The following LMF1 variants were observed in gnomAD, a reference collection of about 807,000 sequenced individuals.
The protein encoded by LMF1 is lipase maturation factor 1.
A neutral mutation model predicts 60.6 loss-of-function variants in LMF1; 68 were observed. The observed-to-expected ratio is 1.12, with a 90% CI of 0.92 to 1.37. LMF1 has a LOEUF of 1.37. LMF1 is among the 40% of genes most tolerant of loss of function. The probability of loss-of-function intolerance (pLI) is 0.00; values close to 1 mark genes in which losing one functional copy is unlikely to be tolerated. For synonymous variants in LMF1, 418 were observed against 324.7 expected, an observed-to-expected ratio of 1.29 and a Z score of -3.09; for missense variants, 948 against 767.2, an observed-to-expected ratio of 1.24 and a Z score of -2.78.
Position 876,454 on chromosome 16 carries a change from C to T in LMF1, c.897+3116G>A, listed in dbSNP as rs114899044. Among the ~76,000 whole-genome samples, 1,438 of 152,294 alleles carry T rather than the reference C, an allele frequency of 9.4e-3. 18 individuals carry two copies. The highest frequency in any genetic ancestry group is 0.033 in the African/African-American group (1,364 of 41,552). ...ACACTGCGAATGGCTCTCCTGTCAG[C>T]CGGGACTTTAGTTGGCAACAGTTTA... On this transcript the variant is annotated intron_variant, in intron 6 of 10. Transcript: ENST00000262301.
intron 10 of LMF1, among the ~76,000 whole-genome samples, chr16:862,862 A>AAAAT (rs879700283): frequency 2.4e-4 from 37 of 152,184 alleles, no homozygotes; most frequent in Admixed American, 8.5e-4. Flanking sequence ...CCTGTCTCAA[A>AAAAT]AAATAAATAA....
intron 5 of LMF1, among the ~76,000 whole-genome samples, chr16:889,695 G>C (rs1262506487): frequency 6.6e-6 from 1 of 152,186 alleles, no homozygotes; most frequent in East Asian, 1.9e-4. Flanking sequence ...AATGCTGTGG[G>C]GCAGAGGGCA....
At position 906,366 on chromosome 16, in the gene LMF1, C is replaced by T. The variant is rs141227596; in HGVS notation, c.663+4565G>A. On this transcript the variant is annotated intron_variant, in intron 4 of 10. Coordinates refer to ENST00000262301, the MANE Select transcript of LMF1 (RefSeq NM_022773.4). ...GTTTGGGTCAGGGGGCTGGGGAAGG[C>T]GGACCCAAGCTTAATCTGGTGGGCA... 2.4e-4 allele frequency among the ~76,000 whole-genome samples: 36 copies of T among 152,174 alleles called. 2 individuals are homozygous for T. The East Asian group carries it at 6.2e-3, about 26-fold the overall frequency.
At chr16:977,668 C>T (rs911706805) in intron 1 of LMF1, among the ~76,000 whole-genome samples, 21 of 119,598 alleles carry the variant, frequency 1.8e-4, no homozygotes, top group Non-Finnish European at 3.5e-4. Context: ...GGAGGAGGGC[C>T]GGGTTGGGGG....
rs1463911812 is a variant in LMF1 at position 854,154 on chromosome 16, C to T, written c.*378G>A. The T allele has an allele frequency of 2.1e-6, 1 of 482,628 alleles. No individual in the cohort carries two copies. The highest frequency in any genetic ancestry group is 4.1e-6 in the Non-Finnish European group (1 of 246,332). The allele number at this position is 482,628 out of a possible 1,614,324, so 29.9% of individuals were successfully genotyped here. On this transcript the variant is annotated 3_prime_UTR_variant, in exon 11 of 11. Coordinates refer to ENST00000262301, the MANE Select transcript of LMF1 (RefSeq NM_022773.4). ...ACCAGGCCCTGGGACGCTAGAGACC[C>T]CAAGAGCTACCTGGCTGGGTCTATG... is the stretch of plus-strand genomic sequence containing the variant.
rs8046554 is a variant in LMF1 at position 962,569 on chromosome 16, G to A, written c.194-7903C>T. Among the ~76,000 whole-genome samples the A allele has an allele frequency of 0.2, 31,109 of 152,004 alleles. 3,619 individuals carry two copies. The highest frequency in any genetic ancestry group is 0.33 in the East Asian group (1,680 of 5,130). On this transcript the variant is annotated intron_variant, in intron 1 of 10. Coordinates refer to ENST00000262301, the MANE Select transcript of LMF1 (RefSeq NM_022773.4). The surrounding 1 kb of genome is among the most constrained non-coding windows in gnomAD (Gnocchi z 4.5). ...GGAAGGGCCCCGCACCTCTGTGGGC[G>A]TCTTCCCAAAACCCATCACCCAGTC...
At chr16:925,326 T>A (rs568979340) in intron 3 of LMF1, among the ~76,000 whole-genome samples, 28 of 152,356 alleles carry the variant, frequency 1.8e-4, no homozygotes, top group African/African-American at 6.5e-4. Context: ...GAATTCTGCA[T>A]AGTAAAGAGA....
intron 5 of LMF1, 41 bp downstream of exon 5, chr16:892,966 G>A (rs1007833103): frequency 1.2e-5 from 18 of 1,485,840 alleles, no homozygotes; most frequent in Middle Eastern, 1.8e-4. Context: ...GGGGCGGCGT[G>A]AGACCGGGTG....
intron 1 of LMF1, among the ~76,000 whole-genome samples, chr16:959,958 T>A (rs968541759): frequency 6.6e-6 from 1 of 151,062 alleles, no homozygotes; most frequent in Non-Finnish European, 1.5e-5. Flanking sequence ...GACCTTCGTA[T>A]ACTTACAGAT....
At chr16:916,706 C>T (rs879773072) in intron 3 of LMF1, among the ~76,000 whole-genome samples, 6 of 152,208 alleles carry the variant, frequency 3.9e-5, no homozygotes, top group Non-Finnish European at 7.3e-5. Flanking sequence ...TCTCTGGCCA[C>T]GGGGAAAACA....
At chr16:876,739 A>G (rs1264414408) in intron 6 of LMF1, among the ~76,000 whole-genome samples, 2 of 151,840 alleles carry the variant, frequency 1.3e-5, no homozygotes, top group East Asian at 1.9e-4. Context: ...CGGGCTGAGG[A>G]CCTCGGGGGG....
chr16:977,108 G>A (rs781756990), intron 1 of LMF1: 2 of 454,092 alleles, frequency 4.4e-6, no homozygotes, highest in South Asian at 3.1e-5. Flanking sequence ...AAGGTGCCAA[G>A]AAAGACTCAC....
intron 3 of LMF1, among the ~76,000 whole-genome samples, chr16:913,588 T>A (rs1252521327): frequency 6.6e-6 from 1 of 152,238 alleles, no homozygotes; most frequent in Non-Finnish European, 1.5e-5. Context: ...GCTTCTCAGC[T>A]GCCCTCCCCC....
At chr16:895,730 G>T (rs1441258889) in intron 4 of LMF1, among the ~76,000 whole-genome samples, 1 of 152,174 alleles carries the variant, frequency 6.6e-6, no homozygotes, top group African/African-American at 2.4e-5. Context: ...GCAGGGGAGT[G>T]GGACCAAGAG....
Position 897,227 on chromosome 16 carries a change from G to A in LMF1, c.664-4155C>T, listed in dbSNP as rs2070689842. On this transcript the variant is annotated intron_variant, in intron 4 of 10. Transcript: ENST00000262301. The surrounding 1 kb of genome is among the most constrained non-coding windows in gnomAD (Gnocchi z 4.3). Reference sequence around the variant, plus strand: ...GCCATCTGGAAACTCGAAGTGTCTTGACGGTCGTATGCGGAGAAGGAGACA... The same window carrying A: ...GCCATCTGGAAACTCGAAGTGTCTTAACGGTCGTATGCGGAGAAGGAGACA... 6.6e-6 allele frequency among the ~76,000 whole-genome samples: 1 copy of A among 152,192 alleles called. No homozygotes were observed. The highest frequency in any genetic ancestry group is 2.4e-5 in the African/African-American group (1 of 41,426).
At chr16:963,203 C>G (rs2072849439) in intron 1 of LMF1, among the ~76,000 whole-genome samples, 1 of 152,016 alleles carries the variant, frequency 6.6e-6, no homozygotes, top group Admixed American at 6.5e-5. Flanking sequence ...CAGAAGGCTC[C>G]CCACACCCCT....
chr16:872,843 G>C (rs1248332008), intron 6 of LMF1: 3 of 152,326 alleles, frequency 2.0e-5, no homozygotes, highest in Non-Finnish European at 4.4e-5. Context: ...GGCACAGCCT[G>C]AGCCAGTGCC....
intron 3 of LMF1, among the ~76,000 whole-genome samples, chr16:925,070 G>T (rs1229025666): frequency 2.0e-5 from 3 of 152,232 alleles, no homozygotes; most frequent in Non-Finnish European, 2.9e-5. Context: ...TGCCTGCTGG[G>T]CTGAGCTGCC....
At chr16:938,008 C>T (rs1485051545) in intron 2 of LMF1, among the ~76,000 whole-genome samples, 1 of 151,136 alleles carries the variant, frequency 6.6e-6, no homozygotes, top group East Asian at 1.9e-4. Context: ...TGGTGAAGGC[C>T]AAACGTGGAT....
Sources: gnomAD v4.1 joint callset for allele counts (sites outside exome capture counted in the v4.1 genomes callset) on GRCh38, gnomAD v4.1.1 for gene constraint, Gnocchi (gnomAD v3.1) non-coding constraint, MANE v1.5 for transcripts, NCBI Gene and HGNC (gene_info 2026-07-23, HGNC 2026-07-21) for gene names.